The following SLC30A4 variants were observed in gnomAD, a reference collection of about 807,000 sequenced individuals.
The protein encoded by SLC30A4 is probable proton-coupled zinc antiporter SLC30A4.
A neutral mutation model predicts 41.7 loss-of-function variants in SLC30A4; 20 were observed. The observed-to-expected ratio is 0.48, with a 90% CI of 0.34 to 0.70. The LOEUF is 0.70. Among genes scored for constraint, SLC30A4 ranks in the 30% least tolerant of loss-of-function variants. The pLI, the probability that SLC30A4 is intolerant of heterozygous loss-of-function variation, is 0.01. For missense variants in SLC30A4, 441 were observed against 529.3 expected, an observed-to-expected ratio of 0.83 and a Z score of 1.64; for synonymous variants, 181 against 195.9, an observed-to-expected ratio of 0.92 and a Z score of 0.64.
At position 45,484,966 on chromosome 15, in the gene SLC30A4, C is replaced by G. The variant is rs1206324786; in HGVS notation, c.*197G>C. 3.7e-6 allele frequency: 2 copies of G among 543,852 alleles called. No homozygotes were observed. Among genetic ancestry groups the G allele is most frequent in the African/African-American group, 3.9e-5 (2 of 51,352 alleles). 33.7% of individuals were successfully genotyped at this position (543,852 alleles called of 1,614,324 possible). On this transcript the variant is annotated 3_prime_UTR_variant, in exon 8 of 8. Transcript: ENST00000261867. ...AACAGTGTTTGGGAAACATCTTCAT[C>G]TGAAAATTATGGCAAAGTCTCCTTT...
At position 45,522,636 on chromosome 15, in the gene SLC30A4, T is replaced by C; in HGVS notation, c.-144A>G. 3.6e-6 allele frequency: 1 copy of C among 277,564 alleles called. No homozygotes were observed. The highest frequency in any genetic ancestry group is 6.6e-6 in the Non-Finnish European group (1 of 150,680). 17.2% of individuals were successfully genotyped at this position (277,564 alleles called of 1,614,324 possible). A position where few individuals can be genotyped will look rare whatever the true frequency, so the allele number is the denominator to read the frequency against. ...GGCGCTGCCGCGGGGCCGCAACTCA[T>C]CTCCCCGCCCCCGGCCGGCTCAGCG... On this transcript the variant is annotated 5_prime_UTR_variant, in exon 1 of 8. The change abolishes an upstream ATG in the 5' untranslated region. Transcript: ENST00000261867.
At chr15:45,485,985 T>G (rs534266993) in intron 7 of SLC30A4, among the ~76,000 whole-genome samples, 1 of 146,960 alleles carries the variant, frequency 6.8e-6, no homozygotes, top group East Asian at 2.0e-4. Flanking sequence ...TCCCAAAGTG[T>G]TGGGATTACA....
chr15:45,499,506 G>GA (rs879628605), intron 3 of SLC30A4, among the ~76,000 whole-genome samples: 11 of 151,704 alleles, frequency 7.3e-5, no homozygotes, highest in South Asian at 4.2e-4. Flanking sequence ...CCACCGTCTG[G>GA]AAAAAAAACC....
intron 3 of SLC30A4, among the ~76,000 whole-genome samples, chr15:45,507,208 T>C (rs1414432184): frequency 6.6e-6 from 1 of 151,750 alleles, no homozygotes; most frequent in Non-Finnish European, 1.5e-5. Context: ...TAATCCCAGC[T>C]ACTCTGGAGG....
At chr15:45,486,304 CGAGCCACCATGCCAGTCAG>C (rs1392346284) in intron 7 of SLC30A4, among the ~76,000 whole-genome samples, 2 of 152,144 alleles carry the variant, frequency 1.3e-5, no homozygotes, top group East Asian at 3.9e-4. Context: ...ATTACAGGTG[CGAGCCACCATGCCAGTCAG>C]GAAATATTCT....
intron 3 of SLC30A4, among the ~76,000 whole-genome samples, chr15:45,510,104 A>G (rs182361181): frequency 1.3e-5 from 2 of 151,770 alleles, no homozygotes; most frequent in Admixed American, 1.3e-4. Flanking sequence ...CAGTGCAAGA[A>G]GATCACACCA....
rs111828879 is a variant in SLC30A4 at position 45,490,748 on chromosome 15, A to G, written c.672T>C (p.Val224=). Residue 224 remains valine, a synonymous_variant, in exon 4 of 8, where the codon GTT becomes GTC. Coordinates refer to ENST00000261867, the MANE Select transcript of SLC30A4 (RefSeq NM_013309.6). The part of the protein sequence containing the change: ...NGDIMLITAA[V]GVAVNVIMGF... ...CTTACATTACATTAACTGCAACTCC[A>G]ACAGCTGCGGTGATGAGCATTATAT... 3 of 1,602,708 alleles carry G rather than the reference A, an allele frequency of 1.9e-6. No individual in the cohort carries two copies. The East Asian group carries it at 6.7e-5, about 36-fold the overall frequency.
chr15:45,516,436 T>C (rs1892478560), intron 2 of SLC30A4, among the ~76,000 whole-genome samples: 1 of 152,202 alleles, frequency 6.6e-6, no homozygotes, highest in Non-Finnish European at 1.5e-5. Context: ...CTGGCTTAGG[T>C]GTTTGCTTTC....
At chr15:45,507,100 T>G (rs896429167) in intron 3 of SLC30A4, among the ~76,000 whole-genome samples, 5 of 152,008 alleles carry the variant, frequency 3.3e-5, no homozygotes, top group African/African-American at 4.8e-5. Flanking sequence ...GGCGGGTGGA[T>G]CACGAGGACG....
intron 3 of SLC30A4, among the ~76,000 whole-genome samples, chr15:45,495,927 G>A (rs543270139): frequency 5.9e-5 from 9 of 152,286 alleles, no homozygotes; most frequent in Non-Finnish European, 5.9e-5. Context: ...AATAAGGAAT[G>A]TTGTTCCCTT....
intron 3 of SLC30A4, among the ~76,000 whole-genome samples, chr15:45,506,349 A>C (rs1002423381): frequency 1.3e-5 from 2 of 152,224 alleles, no homozygotes; most frequent in Non-Finnish European, 2.9e-5. Flanking sequence ...AAAATTCAAC[A>C]AGAATGGTAA....
rs1891650702 is a variant in SLC30A4, at chr15:45,483,943, T to C, written c.*1220A>G. On this transcript the variant is annotated 3_prime_UTR_variant, in exon 8 of 8. Coordinates refer to ENST00000261867, the MANE Select transcript of SLC30A4 (RefSeq NM_013309.6). ...TTACATTTCTGTTTTCTCAAAGTAA[T>C]ATCTTCCCCCAACCCCTTGGACATT... 1 of 152,258 alleles carries C rather than the reference T, an allele frequency of 6.6e-6. No homozygotes were observed. The highest frequency in any genetic ancestry group is 1.5e-5 in the Non-Finnish European group (1 of 68,062). The allele number at this position is 152,258 out of a possible 1,614,324, so 9.4% of individuals were successfully genotyped here. A position where few individuals can be genotyped will look rare whatever the true frequency, so the allele number is the denominator to read the frequency against.
At chr15:45,507,498 CCTTT>C (rs900274528) in intron 3 of SLC30A4, among the ~76,000 whole-genome samples, 3 of 144,688 alleles carry the variant, frequency 2.1e-5, no homozygotes, top group African/African-American at 5.4e-5. Flanking sequence ...TTTTCTTTTT[CCTTT>C]TTTTTTTTTT....
intron 3 of SLC30A4, 94 bp downstream of exon 3, chr15:45,511,044 G>T: frequency 1.1e-6 from 1 of 945,568 alleles, no homozygotes; most frequent in Non-Finnish European, 1.6e-6. Context: ...GTTCAAACAA[G>T]ATATCACTGG....
intron 3 of SLC30A4, among the ~76,000 whole-genome samples, chr15:45,492,016 G>GT (rs999028289): frequency 4.4e-4 from 67 of 152,198 alleles, no homozygotes; most frequent in African/African-American, 1.6e-3. Context: ...AATAGCCAGA[G>GT]TTAGCAAGGA....
intron 3 of SLC30A4, among the ~76,000 whole-genome samples, chr15:45,500,189 G>A (rs568857661): frequency 2.6e-5 from 4 of 152,228 alleles, no homozygotes; most frequent in South Asian, 2.1e-4. Flanking sequence ...TGAAAAATCT[G>A]GGTAAGATGA....
intron 3 of SLC30A4, chr15:45,503,024 G>T (rs1892073433): frequency 6.7e-6 from 1 of 149,260 alleles, no homozygotes; most frequent in African/African-American, 2.5e-5. Context: ...TTCATCTAAA[G>T]ATAATTTACA....
Position 45,486,305 on chromosome 15 carries a change from G to A in SLC30A4, c.1135+306C>T, listed in dbSNP as rs13380129. Among the ~76,000 whole-genome samples, 96 of 152,248 alleles carry A rather than the reference G, an allele frequency of 6.3e-4. 1 individual carries two copies. Among genetic ancestry groups the A allele is most frequent in the African/African-American group, 2.2e-3 (91 of 41,540 alleles). ...TCCAAAGTGCTAGGATTACAGGTGC[G>A]AGCCACCATGCCAGTCAGGAAATAT... On this transcript the variant is annotated intron_variant, in intron 7 of 7. Coordinates refer to ENST00000261867, the MANE Select transcript of SLC30A4 (RefSeq NM_013309.6).
At chr15:45,518,447 T>C (rs1892559864) in intron 2 of SLC30A4, among the ~76,000 whole-genome samples, 1 of 152,224 alleles carries the variant, frequency 6.6e-6, no homozygotes, top group Non-Finnish European at 1.5e-5. Flanking sequence ...GCACATAGTG[T>C]AAGTACTCAA....
Sources: gnomAD v4.1 joint callset for allele counts (sites outside exome capture counted in the v4.1 genomes callset) on GRCh38, gnomAD v4.1.1 for gene constraint, MANE v1.5 for transcripts, NCBI Gene and HGNC (gene_info 2026-07-23, HGNC 2026-07-21) for gene names.